Variants in SNX29 observed in about 807,000 individuals in gnomAD.
SNX29 encodes sorting nexin 29, also known as sorting nexin-29.
SNX29 carries 78 observed loss-of-function variants against 102.1 expected under a neutral mutation model. The ratio of observed to expected loss-of-function variants is 0.76; its 90% CI spans 0.64 to 0.92. The LOEUF (loss-of-function observed/expected upper bound fraction) is 0.92. Among genes scored for constraint, SNX29 ranks in the 40% least tolerant of loss-of-function variants. SNX29 has a pLI of 0.00. For synonymous variants in SNX29, 580 were observed against 414.5 expected (o/e 1.40, Z -4.85); for missense variants, 1,280 against 1,061.7 (o/e 1.21, Z -2.86).
intron 13 of SNX29, among the ~76,000 whole-genome samples, chr16:12,136,785 G>A (rs1390319263): frequency 6.6e-6 from 1 of 152,142 alleles, no homozygotes; most frequent in Non-Finnish European, 1.5e-5. Flanking sequence ...TGTCACCCAG[G>A]CTAGAGTGCA....
intron 13 of SNX29, among the ~76,000 whole-genome samples, chr16:12,165,902 C>T (rs949616106): frequency 6.6e-6 from 1 of 152,238 alleles, no homozygotes; most frequent in African/African-American, 2.4e-5. Flanking sequence ...AGTCAGCCAG[C>T]TCTGCTGCAC....
At position 12,571,207 on chromosome 16, in the gene SNX29, C is replaced by T. The variant is rs890712935; in HGVS notation, c.*2578C>T. 2 of 232,342 alleles carry T rather than the reference C, an allele frequency of 8.6e-6. No homozygotes were observed. The highest frequency in any genetic ancestry group is 4.4e-5 in the African/African-American group (2 of 45,308). 14.4% of individuals were successfully genotyped at this position (232,342 alleles called of 1,614,324 possible). On this transcript the variant is annotated 3_prime_UTR_variant, in exon 21 of 21. Coordinates refer to ENST00000566228, the MANE Select transcript of SNX29 (RefSeq NM_032167.5). ...GGGATGAACTTCAGGCAACAAACAA[C>T]TGGCAGGGTTCCCAGTTCCTGGAGT...
chr16:12,376,802 G>A (rs2082891552), intron 16 of SNX29, among the ~76,000 whole-genome samples: 1 of 150,224 alleles, frequency 6.7e-6, no homozygotes, highest in East Asian at 1.9e-4. Flanking sequence ...ACTCACCCTG[G>A]CCTCTTCTTC....
chr16:12,134,121 A>G (rs1295732053), intron 13 of SNX29, among the ~76,000 whole-genome samples: 12 of 152,228 alleles, frequency 7.9e-5, no homozygotes, highest in Admixed American at 7.9e-4. Context: ...TTGAATTAAG[A>G]AAGCTCAAGC....
In SNX29 at chr16:12,572,680, G is replaced by GA. The variant is rs1447501954; in HGVS notation, c.*4053dup. 3.8e-6 allele frequency: 4 copies of GA among 1,063,672 alleles called. No homozygotes were observed. Among genetic ancestry groups the GA allele is most frequent in the African/African-American group, 3.3e-5 (2 of 60,930 alleles). The allele number at this position is 1,063,672 out of a possible 1,614,324, so 65.9% of individuals were successfully genotyped here. A position where few individuals can be genotyped will look rare whatever the true frequency, so the allele number is the denominator to read the frequency against. ...TGTGAGCTGCAGCACCCACACGGGG[G>GA]AAGCCCTGCACTCCAGCAGCATCTT... On this transcript the variant is annotated 3_prime_UTR_variant, in exon 21 of 21. Coordinates refer to ENST00000566228, the MANE Select transcript of SNX29 (RefSeq NM_032167.5).
intron 14 of SNX29, among the ~76,000 whole-genome samples, chr16:12,271,545 T>C (rs2079092463): frequency 6.6e-6 from 1 of 151,984 alleles, no homozygotes; most frequent in Non-Finnish European, 1.5e-5. Flanking sequence ...GCTCAAGGGG[T>C]AGGGATTATA....
chr16:12,106,488 C>G (rs1406781920), intron 11 of SNX29, among the ~76,000 whole-genome samples: 3 of 151,910 alleles, frequency 2.0e-5, no homozygotes, highest in East Asian at 3.9e-4. Context: ...GCTTGTTTTT[C>G]TTTTTCAGAC....
chr16:12,541,551 T>G (rs2077341524), intron 20 of SNX29, among the ~76,000 whole-genome samples: 2 of 148,258 alleles, frequency 1.3e-5, no homozygotes, highest in South Asian at 4.7e-4. Flanking sequence ...TCAGCCTCCC[T>G]TTTCAAGCTG....
At chr16:12,050,867 A>C (rs1432596021) in intron 7 of SNX29, among the ~76,000 whole-genome samples, 7 of 150,432 alleles carry the variant, frequency 4.7e-5, no homozygotes. Context: ...ACCTGCCACC[A>C]CGCCCAACTA....
chr16:12,234,138 G>A (rs1194557004), intron 14 of SNX29, among the ~76,000 whole-genome samples: 2 of 152,100 alleles, frequency 1.3e-5, no homozygotes, highest in East Asian at 3.9e-4. Flanking sequence ...GGGTCAAAGC[G>A]GCTGTACCTT....
At chr16:12,210,367 G>T (rs1456692073) in intron 14 of SNX29, among the ~76,000 whole-genome samples, 1 of 147,362 alleles carries the variant, frequency 6.8e-6, no homozygotes, top group Admixed American at 6.9e-5. Flanking sequence ...TTGCTGTGTT[G>T]CCCAGGCTGG....
chr16:12,498,803 A>C (rs1050453044), intron 19 of SNX29, among the ~76,000 whole-genome samples: 2 of 152,212 alleles, frequency 1.3e-5, no homozygotes, highest in African/African-American at 4.8e-5. Flanking sequence ...AATTAAAACA[A>C]TTTTTGGCCA....
chr16:12,096,880 C>T lies in SNX29; in HGVS notation c.1402+17965C>T, dbSNP rs1022335529. On this transcript the variant is annotated intron_variant, in intron 11 of 20. Coordinates refer to ENST00000566228, the MANE Select transcript of SNX29 (RefSeq NM_032167.5). The surrounding 1 kb of genome is among the most constrained non-coding windows in gnomAD (Gnocchi z 4.2). ...CAGGAGGGGAAGGAGGAACCGATGA[C>T]AGCAGGATGAATGTAGCAAGGATAG... Among the ~76,000 whole-genome samples, 3 of 152,170 alleles carry T rather than the reference C, an allele frequency of 2.0e-5. No homozygotes were observed. The highest frequency in any genetic ancestry group is 2.9e-5 in the Non-Finnish European group (2 of 68,020).
intron 20 of SNX29, among the ~76,000 whole-genome samples, chr16:12,552,694 G>A (rs1016300590): frequency 2.0e-5 from 3 of 152,208 alleles, no homozygotes; most frequent in Non-Finnish European, 2.9e-5. Flanking sequence ...AGGGTCGGGG[G>A]AAGATTTAGA....
chr16:12,318,091 CTG>C (rs1340002748), intron 15 of SNX29, among the ~76,000 whole-genome samples: 2 of 152,256 alleles, frequency 1.3e-5, no homozygotes, highest in Non-Finnish European at 1.5e-5. Flanking sequence ...GGTGCTGTGA[CTG>C]AGACATCCTT....
At chr16:12,246,898 C>T (rs899829723) in intron 14 of SNX29, among the ~76,000 whole-genome samples, 1 of 152,118 alleles carries the variant, frequency 6.6e-6, no homozygotes, top group African/African-American at 2.4e-5. Context: ...AAGGTGTCCC[C>T]TCCCCTCGGC....
chr16:12,554,237 C>T (rs943386134), intron 20 of SNX29, among the ~76,000 whole-genome samples: 1 of 152,220 alleles, frequency 6.6e-6, no homozygotes, highest in Non-Finnish European at 1.5e-5. Context: ...GAACATCTCC[C>T]TCGGCTGCAT....
chr16:12,095,373 C>T (rs1334194848), intron 11 of SNX29: 3 of 152,164 alleles, frequency 2.0e-5, no homozygotes, highest in Non-Finnish European at 2.9e-5. Flanking sequence ...CCAGGGGGCG[C>T]CCTAGTCTTT....
At chr16:12,145,982 C>T (rs1479861473) in intron 13 of SNX29, among the ~76,000 whole-genome samples, 1 of 152,182 alleles carries the variant, frequency 6.6e-6, no homozygotes, top group Non-Finnish European at 1.5e-5. Context: ...TTTGTAAAGG[C>T]TCTTGATCTT....
Sources: allele counts gnomAD v4.1 joint callset (sites outside exome capture counted in the v4.1 genomes callset), GRCh38; gene constraint gnomAD v4.1.1; non-coding constraint Gnocchi (gnomAD v3.1); transcripts MANE v1.5; gene names NCBI Gene and HGNC (gene_info 2026-07-23, HGNC 2026-07-21).